RAB38: variants seen among roughly 807,000 people sequenced by gnomAD.
RAB38 encodes RAB38, member RAS oncogene family.
Under a neutral mutation model 18.4 loss-of-function variants are expected in RAB38, and 15 were observed. That is an observed-to-expected ratio of 0.82 (90% CI 0.55 to 1.26). The LOEUF is 1.26. RAB38 is among the 50% of genes most tolerant of loss of function. The pLI, the probability that RAB38 is intolerant of heterozygous loss-of-function variation, is 0.00. For synonymous variants in RAB38, 101 were observed against 104.4 expected (o/e 0.97, Z 0.20); for missense variants, 294 against 267.4 (o/e 1.10, Z -0.69).
the RAB38 span, among the ~76,000 whole-genome samples, chr11:87,936,587 C>A: frequency 6.6e-6 from 1 of 152,040 alleles, no homozygotes; most frequent in African/African-American, 2.4e-5. Flanking sequence ...ACCTAAAAAG[C>A]AAGTTTTGAA....
At chr11:87,926,122 A>T in the RAB38 span, among the ~76,000 whole-genome samples, 1 of 151,558 alleles carries the variant, frequency 6.6e-6, no homozygotes, top group Non-Finnish European at 1.5e-5. Context: ...TTCATCATTC[A>T]TGGATAATGA....
the RAB38 span, among the ~76,000 whole-genome samples, chr11:88,080,429 T>A: frequency 3.3e-5 from 5 of 151,886 alleles, no homozygotes; most frequent in Non-Finnish European, 5.9e-5. Flanking sequence ...ATACTGTATG[T>A]ATTAATTGGA....
chr11:87,893,510 A>C, the RAB38 span, among the ~76,000 whole-genome samples: 3 of 150,642 alleles, frequency 2.0e-5, no homozygotes, highest in African/African-American at 7.3e-5. Flanking sequence ...CCTTTTTAAA[A>C]AATTGTAGTA....
the RAB38 span, among the ~76,000 whole-genome samples, chr11:87,814,043 G>C: frequency 6.6e-6 from 1 of 152,070 alleles, no homozygotes; most frequent in African/African-American, 2.4e-5. Flanking sequence ...GAAAGGCCAG[G>C]AGCAAACCTA....
the RAB38 span, among the ~76,000 whole-genome samples, chr11:87,839,131 G>T: frequency 1.3e-5 from 2 of 152,078 alleles, no homozygotes; most frequent in Non-Finnish European, 2.9e-5. Context: ...TTATTTAATG[G>T]TTTTTATACA....
rs190817363 is a variant in RAB38, at chr11:88,148,329, C to T, written c.483+1346G>A. 1.3e-3 allele frequency among the ~76,000 whole-genome samples: 194 copies of T among 152,340 alleles called. 1 individual carries two copies. Among genetic ancestry groups the T allele is most frequent in the African/African-American group, 4.5e-3 (186 of 41,566 alleles). ...GTGGCACCACTGCCCTTTTCTTCCT[C>T]TCCATCAACTCCAATCCAAGTGCTT... is the stretch of plus-strand genomic sequence containing the variant. On this transcript the variant is annotated intron_variant, in intron 2 of 2. Transcript: ENST00000243662.
At chr11:88,024,633 TAA>T in the RAB38 span, among the ~76,000 whole-genome samples, 2 of 152,200 alleles carry the variant, frequency 1.3e-5, no homozygotes, top group Admixed American at 6.5e-5. Flanking sequence ...GGAAGCACCC[TAA>T]GAGTCCATTA....
the RAB38 span, among the ~76,000 whole-genome samples, chr11:88,070,866 C>T: frequency 6.6e-6 from 1 of 152,174 alleles, no homozygotes; most frequent in East Asian, 1.9e-4. Context: ...TAAGCTCCTT[C>T]AAGGAGAAAG....
chr11:87,862,464 C>A, the RAB38 span, among the ~76,000 whole-genome samples: 1 of 151,804 alleles, frequency 6.6e-6, no homozygotes, highest in South Asian at 2.1e-4. Context: ...ATTATGAGAA[C>A]ACATGGACAC....
At chr11:87,805,645 A>G in the RAB38 span, among the ~76,000 whole-genome samples, 1 of 151,942 alleles carries the variant, frequency 6.6e-6, no homozygotes, top group Non-Finnish European at 1.5e-5. Flanking sequence ...ACACACACAT[A>G]TACACATTTA....
chr11:88,157,010 T>G (rs1408672627), intron 1 of RAB38, among the ~76,000 whole-genome samples: 1 of 152,222 alleles, frequency 6.6e-6, no homozygotes, highest in Non-Finnish European at 1.5e-5. Context: ...ACCTTGAATG[T>G]AAATGGTCTA....
chr11:87,833,101 T>G, the RAB38 span, among the ~76,000 whole-genome samples: 1 of 152,194 alleles, frequency 6.6e-6, no homozygotes, highest in African/African-American at 2.4e-5. Context: ...TTCTAATCCC[T>G]TCTCACAGGG....
chr11:88,024,233 T>C, the RAB38 span, among the ~76,000 whole-genome samples: 1 of 152,142 alleles, frequency 6.6e-6, no homozygotes, highest in Admixed American at 6.5e-5. Context: ...AAGATTTGAA[T>C]AGACATTTCT....
At chr11:88,154,375 G>A (rs11604890) in intron 1 of RAB38, among the ~76,000 whole-genome samples, 37,434 of 152,126 alleles carry the variant, frequency 0.25, 4,656 homozygotes, top group Admixed American at 0.27. Context: ...GGTGCTAGAA[G>A]TGTGTTCTCC....
At chr11:87,872,537 A>G in the RAB38 span, among the ~76,000 whole-genome samples, 1 of 151,492 alleles carries the variant, frequency 6.6e-6, no homozygotes, top group South Asian at 2.1e-4. Context: ...AGTGATATAT[A>G]TCCACTATTA....
the RAB38 span, among the ~76,000 whole-genome samples, chr11:88,089,367 C>A: frequency 3.3e-5 from 5 of 150,582 alleles, no homozygotes; most frequent in African/African-American, 1.2e-4. Context: ...AGAGCTGGCT[C>A]ATAGGAGTCT....
At chr11:88,031,867 T>G in the RAB38 span, among the ~76,000 whole-genome samples, 1 of 152,120 alleles carries the variant, frequency 6.6e-6, no homozygotes, top group South Asian at 2.1e-4. Flanking sequence ...TTCACAGAAT[T>G]GGAAAAAACT....
chr11:88,169,875 A>C (rs1160136612), intron 1 of RAB38, among the ~76,000 whole-genome samples: 1 of 152,216 alleles, frequency 6.6e-6, no homozygotes. Context: ...CATGCTGATG[A>C]AGCTGGGATG....
In RAB38 at chr11:88,153,012, A is replaced by G. The variant is rs35744891; in HGVS notation, c.203-3057T>C. Reference sequence around the variant, plus strand: ...GTGGCTCATGATTCAGCTTTCAGCTATGAAGGGTGTTAAATAGGAAAGCAA... The same window carrying G: ...GTGGCTCATGATTCAGCTTTCAGCTGTGAAGGGTGTTAAATAGGAAAGCAA... On this transcript the variant is annotated intron_variant, in intron 1 of 2. Transcript: ENST00000243662. 2.1e-3 allele frequency among the ~76,000 whole-genome samples: 314 copies of G among 152,354 alleles called. 2 individuals are homozygous for G. Among genetic ancestry groups the G allele is most frequent in the African/African-American group, 6.7e-3 (278 of 41,592 alleles).
Sources: gnomAD v4.1 joint callset for allele counts (sites outside exome capture counted in the v4.1 genomes callset) on GRCh38, gnomAD v4.1.1 for gene constraint, MANE v1.5 for transcripts, NCBI Gene and HGNC (gene_info 2026-07-23, HGNC 2026-07-21) for gene names.